Variants in GUCY1A2 observed in about 807,000 individuals in gnomAD.
GUCY1A2 encodes guanylate cyclase soluble subunit alpha-2.
Under a neutral mutation model 63.5 loss-of-function variants are expected in GUCY1A2, and 27 were observed. That is an observed-to-expected ratio of 0.43 (90% CI 0.31 to 0.59). The LOEUF is 0.59. Ranked by LOEUF, GUCY1A2 falls within the 20% of genes least tolerant of loss-of-function variation. GUCY1A2 has a pLI of 0.11. For synonymous variants in GUCY1A2, 364 were observed against 343.5 expected (o/e 1.06, Z -0.66); for missense variants, 768 against 913.3 (o/e 0.84, Z 2.05).
intron 4 of GUCY1A2, among the ~76,000 whole-genome samples, chr11:106,900,129 A>C (rs1394953880): frequency 6.6e-6 from 1 of 152,032 alleles, no homozygotes; most frequent in Non-Finnish European, 1.5e-5. Flanking sequence ...GTAGCCAATC[A>C]ATGTAAGATG....
At chr11:106,986,037 C>A (rs762308672) in intron 2 of GUCY1A2, 33 bp downstream of exon 2, 1 of 1,054,776 alleles carries the variant, frequency 9.5e-7, no homozygotes, top group South Asian at 1.3e-5. Context: ...TTTAATTTGT[C>A]CCCAATAATA....
intron 6 of GUCY1A2, among the ~76,000 whole-genome samples, chr11:106,711,984 T>G (rs1056736090): frequency 4.6e-5 from 7 of 152,130 alleles, no homozygotes; most frequent in African/African-American, 1.7e-4. Context: ...TTATCATCAG[T>G]TTTAGGTAAT....
At chr11:106,879,499 C>G (rs547720545) in intron 4 of GUCY1A2, among the ~76,000 whole-genome samples, 1 of 152,140 alleles carries the variant, frequency 6.6e-6, no homozygotes, top group African/African-American at 2.4e-5. Context: ...TGGCATATTG[C>G]CCCATTTATC....
intron 4 of GUCY1A2, among the ~76,000 whole-genome samples, chr11:106,847,861 T>A (rs988288040): frequency 1.1e-4 from 16 of 151,662 alleles, no homozygotes; most frequent in Admixed American, 3.3e-4. Context: ...TGCTTTTTTT[T>A]AAATTAGAAA....
chr11:106,742,525 C>T (rs940434949), intron 6 of GUCY1A2, among the ~76,000 whole-genome samples: 32 of 152,272 alleles, frequency 2.1e-4, no homozygotes, highest in Non-Finnish European at 2.4e-4. Context: ...TGATCTTGTT[C>T]CCCTTTATGG....
chr11:106,718,729 C>T (rs570811428), intron 6 of GUCY1A2, among the ~76,000 whole-genome samples: 11 of 151,696 alleles, frequency 7.3e-5, no homozygotes, highest in African/African-American at 2.2e-4. Context: ...TATAACTTAG[C>T]GGTTGAAAAA....
chr11:106,826,463 G>A, intron 4 of GUCY1A2: 3 of 1,584,596 alleles, frequency 1.9e-6, no homozygotes, highest in Non-Finnish European at 2.6e-6. Flanking sequence ...AGATTCATTT[G>A]GTTTAAGATT....
chr11:106,702,702 GT>G (rs759882609), intron 7 of GUCY1A2, among the ~76,000 whole-genome samples: 27 of 147,398 alleles, frequency 1.8e-4, no homozygotes, highest in South Asian at 4.3e-4. Context: ...AATTTATATG[GT>G]TTTTTTTTTT....
intron 4 of GUCY1A2, among the ~76,000 whole-genome samples, chr11:106,888,470 AGAAAGAAAAAAAAAT>A (rs1859929980): frequency 6.6e-6 from 1 of 151,458 alleles, no homozygotes; most frequent in South Asian, 2.1e-4. Context: ...ATCTCAAAAA[AGAAAGAAAAAAAAAT>A]GATTTTGAAT....
chr11:106,892,113 A>G (rs1271949717), intron 4 of GUCY1A2, among the ~76,000 whole-genome samples: 1 of 152,084 alleles, frequency 6.6e-6, no homozygotes, highest in Non-Finnish European at 1.5e-5. Flanking sequence ...CTATTATTTT[A>G]GGTATTGGCA....
At chr11:106,803,771 G>T (rs1407957051) in intron 5 of GUCY1A2, among the ~76,000 whole-genome samples, 1 of 152,198 alleles carries the variant, frequency 6.6e-6, no homozygotes, top group African/African-American at 2.4e-5. Flanking sequence ...GGAATGATGA[G>T]AAATCCAACT....
intron 6 of GUCY1A2, among the ~76,000 whole-genome samples, chr11:106,761,127 A>ATCT (rs1864058917): frequency 1.3e-5 from 2 of 152,306 alleles, no homozygotes; most frequent in South Asian, 4.1e-4. Context: ...TTCTGGCCTT[A>ATCT]TCTTCTTCAT....
Position 106,687,466 on chromosome 11 carries a change from GACACA to G in GUCY1A2, c.*78_*82del. On this transcript the variant is annotated 3_prime_UTR_variant, in exon 8 of 8. Coordinates refer to ENST00000526355, the MANE Select transcript of GUCY1A2 (RefSeq NM_000855.3). The stretch of plus-strand genomic sequence containing the variant: ...TTGTTCTCAACAAAGCAATGAAAGA[GACACA>G]ATCTCTTTCCACCCCCCATTGGTGA... 1.0e-6 allele frequency: 1 copy of G among 987,944 alleles called. No individual in the cohort carries two copies. The highest frequency in any genetic ancestry group is 1.6e-6 in the Non-Finnish European group (1 of 624,540). 61.2% of individuals were successfully genotyped at this position (987,944 alleles called of 1,614,324 possible).
At chr11:106,981,349 T>C (rs1591353158) in intron 2 of GUCY1A2, among the ~76,000 whole-genome samples, 1 of 152,026 alleles carries the variant, frequency 6.6e-6, no homozygotes, top group Non-Finnish European at 1.5e-5. Flanking sequence ...AAAACAAACA[T>C]AGGGCCCACA....
rs1349752090 is a variant in GUCY1A2, at chr11:106,725,320, C to T, written c.1837-16654G>A. Among the ~76,000 whole-genome samples, 2 of 97,806 alleles carry T rather than the reference C, an allele frequency of 2.0e-5. 1 individual carries two copies. Among genetic ancestry groups the T allele is most frequent in the Non-Finnish European group, 4.4e-5 (2 of 45,416 alleles). 64.2% of individuals were successfully genotyped at this position (97,806 alleles called of 152,430 possible). On this transcript the variant is annotated intron_variant, in intron 6 of 7. Coordinates refer to ENST00000526355, the MANE Select transcript of GUCY1A2 (RefSeq NM_000855.3). ...CCCAAGTAGCTGGGACTACAGGCGC[C>T]CGCCACTACGCCCGGCTAATTTTTT...
intron 4 of GUCY1A2, among the ~76,000 whole-genome samples, chr11:106,839,224 A>T (rs1859161622): frequency 6.6e-6 from 1 of 151,962 alleles, no homozygotes; most frequent in African/African-American, 2.4e-5. Context: ...ACCATTTGTT[A>T]AATAGGGAAT....
intron 5 of GUCY1A2, among the ~76,000 whole-genome samples, chr11:106,787,566 C>A (rs1231245631): frequency 0.01 from 2 of 196 alleles, no homozygotes; most frequent in African/African-American, 0.017. Context: ...GAGAGAGAGA[C>A]AGAGACAGAA....
At chr11:106,919,003 T>A (rs1860404857) in intron 4 of GUCY1A2, among the ~76,000 whole-genome samples, 2 of 152,222 alleles carry the variant, frequency 1.3e-5, no homozygotes, top group African/African-American at 4.8e-5. Context: ...TACCAGACTA[T>A]AATTACATTC....
At chr11:106,931,187 T>A (rs557216547) in intron 4 of GUCY1A2, among the ~76,000 whole-genome samples, 7 of 152,292 alleles carry the variant, frequency 4.6e-5, no homozygotes, top group Admixed American at 3.3e-4. Flanking sequence ...AAACAACAAT[T>A]AAGTATGGAC....
Sources: gnomAD v4.1 joint callset for allele counts (sites outside exome capture counted in the v4.1 genomes callset) on GRCh38, gnomAD v4.1.1 for gene constraint, MANE v1.5 for transcripts, NCBI Gene and HGNC (gene_info 2026-07-23, HGNC 2026-07-21) for gene names.